The following NFAM1 variants were observed in gnomAD, a reference collection of about 807,000 sequenced individuals.
NFAM1 encodes NFAT activating protein with ITAM motif 1.
A neutral mutation model predicts 29.0 loss-of-function variants in NFAM1; 17 were observed. The observed-to-expected ratio is 0.59, with a 90% CI of 0.40 to 0.88. The LOEUF (loss-of-function observed/expected upper bound fraction) is 0.88, where lower values mean the gene tolerates loss of function less well. NFAM1 is among the 40% of genes least tolerant of loss of function. The pLI is 0.00. For synonymous variants in NFAM1, 175 were observed against 147.2 expected, an observed-to-expected ratio of 1.19 and a Z score of -1.36; for missense variants, 324 against 344.6, an observed-to-expected ratio of 0.94 and a Z score of 0.47.
chr22:42,422,840 C>T (rs977651224), intron 1 of NFAM1, among the ~76,000 whole-genome samples: 10 of 151,996 alleles, frequency 6.6e-5, no homozygotes, highest in South Asian at 2.1e-4. Context: ...ACAGGCTGGG[C>T]GTGGTGGCTC....
rs1444377468 is a variant in NFAM1 at position 42,413,196 on chromosome 22, G to C, written c.122-1460C>G. Among the ~76,000 whole-genome samples the C allele has an allele frequency of 2.0e-5, 3 of 152,342 alleles. No individual in the cohort carries two copies. The East Asian group carries it at 5.8e-4, about 29-fold the overall frequency. On this transcript the variant is annotated intron_variant, in intron 1 of 5. Transcript: ENST00000329021. Reference sequence around the variant, plus strand: ...ACATGCAGGCCGGATTGTTAATCGGGAGAAGATCGTGTCTTTGAGATGCTC... The same window carrying C: ...ACATGCAGGCCGGATTGTTAATCGGCAGAAGATCGTGTCTTTGAGATGCTC...
At chr22:42,397,039 A>T (rs1929552892) in intron 4 of NFAM1, among the ~76,000 whole-genome samples, 1 of 150,478 alleles carries the variant, frequency 6.6e-6, no homozygotes, top group South Asian at 2.1e-4. Flanking sequence ...GCGGTGCCAG[A>T]TCTCACGAGA....
intron 1 of NFAM1, among the ~76,000 whole-genome samples, chr22:42,417,565 G>A (rs1427526955): frequency 6.6e-6 from 1 of 152,156 alleles, no homozygotes; most frequent in East Asian, 1.9e-4. Flanking sequence ...TGGAGAGCGG[G>A]GCCTGGAGGT....
At chr22:42,422,206 C>G (rs902020107) in intron 1 of NFAM1, among the ~76,000 whole-genome samples, 1 of 152,130 alleles carries the variant, frequency 6.6e-6, no homozygotes, top group Non-Finnish European at 1.5e-5. Flanking sequence ...GTACGGTGGC[C>G]GCTCGGGGAC....
chr22:42,433,109 C>T (rs1253176597), upstream of NFAM1, among the ~76,000 whole-genome samples: 1 of 152,234 alleles, frequency 6.6e-6, no homozygotes, highest in Non-Finnish European at 1.5e-5. Context: ...CCCCTGCTCT[C>T]ACTTCTAGCA....
chr22:42,398,457 G>C (rs1253075464), intron 3 of NFAM1, among the ~76,000 whole-genome samples: 3 of 150,600 alleles, frequency 2.0e-5, no homozygotes, highest in Non-Finnish European at 4.4e-5. Context: ...CTGTTGCCCA[G>C]GCTGGGGTGC....
At chr22:42,411,134 A>C (rs1259631273) in intron 2 of NFAM1, among the ~76,000 whole-genome samples, 1 of 142,836 alleles carries the variant, frequency 7.0e-6, no homozygotes, top group African/African-American at 2.7e-5. Flanking sequence ...AGAAATTCTT[A>C]TGCCTCAGCC....
At chr22:42,402,815 G>C (rs914389287) in intron 3 of NFAM1, among the ~76,000 whole-genome samples, 1 of 150,342 alleles carries the variant, frequency 6.7e-6, no homozygotes, top group Non-Finnish European at 1.5e-5. Context: ...GACCCACACC[G>C]GTCCCTCTGT....
chr22:42,432,725 C>T (rs895162522), upstream of NFAM1, among the ~76,000 whole-genome samples: 1 of 152,246 alleles, frequency 6.6e-6, no homozygotes, highest in African/African-American at 2.4e-5. Context: ...TAGCCTCTCA[C>T]TTCTGAAACA....
chr22:42,432,141 G>C, intron 1 of NFAM1, 96 bp downstream of exon 1: 1 of 1,116,378 alleles, frequency 9.0e-7, no homozygotes, highest in South Asian at 1.3e-5. Flanking sequence ...AATCCCCAGA[G>C]ACAGGTCCCT....
upstream of NFAM1, among the ~76,000 whole-genome samples, chr22:42,433,543 C>T (rs550193412): frequency 6.6e-6 from 1 of 152,270 alleles, no homozygotes; most frequent in Non-Finnish European, 1.5e-5. Flanking sequence ...AGCTGCAGCC[C>T]CCGGTGACGG....
At chr22:42,410,812 C>T (rs1930057779) in intron 2 of NFAM1, among the ~76,000 whole-genome samples, 1 of 152,116 alleles carries the variant, frequency 6.6e-6, no homozygotes, top group African/African-American at 2.4e-5. Context: ...CCATGATGCC[C>T]ATGGCACACT....
At position 42,419,322 on chromosome 22, in the gene NFAM1, G is replaced by T. The variant is rs930029571; in HGVS notation, c.122-7586C>A. 6.6e-6 allele frequency among the ~76,000 whole-genome samples: 1 copy of T among 152,198 alleles called. No individual in the cohort carries two copies. Among genetic ancestry groups the T allele is most frequent in the South Asian group, 2.1e-4 (1 of 4,804 alleles). ...CACAAACTCATCCTGCTCCTGCCCT[G>T]CCTGAACCGGCAGGGGCTCCCTGCT... On this transcript the variant is annotated intron_variant, in intron 1 of 5. Transcript: ENST00000329021. The surrounding 1 kb of genome is among the most constrained non-coding windows in gnomAD (Gnocchi z 4.5).
chr22:42,394,281 A>T (rs957385900), intron 4 of NFAM1, among the ~76,000 whole-genome samples: 1 of 151,906 alleles, frequency 6.6e-6, no homozygotes, highest in East Asian at 1.9e-4. Flanking sequence ...CAGGTGATCC[A>T]CCAGCCTCTG....
intron 4 of NFAM1, among the ~76,000 whole-genome samples, chr22:42,390,380 G>A (rs1341361932): frequency 1.3e-5 from 2 of 152,162 alleles, no homozygotes; most frequent in Admixed American, 6.5e-5. Context: ...ACAGTAAAAG[G>A]TAGCCATGAA....
chr22:42,430,819 G>A (rs1290266450), intron 1 of NFAM1, among the ~76,000 whole-genome samples: 1 of 152,158 alleles, frequency 6.6e-6, no homozygotes, highest in Non-Finnish European at 1.5e-5. Context: ...GTCTTTTGGG[G>A]AGGAGGAACC....
intron 3 of NFAM1, among the ~76,000 whole-genome samples, chr22:42,404,500 C>T (rs895706774): frequency 1.2e-4 from 18 of 152,074 alleles, no homozygotes; most frequent in East Asian, 3.9e-4. Context: ...CTCTGGCCTC[C>T]GGGTTCTCTT....
chr22:42,390,924 C>A (rs1038476070), intron 4 of NFAM1, among the ~76,000 whole-genome samples: 1 of 152,196 alleles, frequency 6.6e-6, no homozygotes, highest in East Asian at 1.9e-4. Flanking sequence ...GACCTTGACC[C>A]TTGGTGAGAG....
At chr22:42,422,537 G>A (rs1173337737) in intron 1 of NFAM1, among the ~76,000 whole-genome samples, 2 of 152,050 alleles carry the variant, frequency 1.3e-5, no homozygotes, top group Non-Finnish European at 2.9e-5. Flanking sequence ...CCCGGGAGGT[G>A]GAGGGTGAGC....
Sources: allele counts gnomAD v4.1 joint callset (sites outside exome capture counted in the v4.1 genomes callset), GRCh38; gene constraint gnomAD v4.1.1; non-coding constraint Gnocchi (gnomAD v3.1); transcripts MANE v1.5; gene names NCBI Gene and HGNC (gene_info 2026-07-23, HGNC 2026-07-21).